ABCA12: variants seen among roughly 807,000 people sequenced by gnomAD.
The protein encoded by ABCA12 is ATP binding cassette subfamily A member 12.
Under a neutral mutation model 293.5 loss-of-function variants are expected in ABCA12, and 156 were observed. The ratio of observed to expected loss-of-function variants is 0.53; its 90% CI spans 0.47 to 0.61. ABCA12 has a LOEUF of 0.61. ABCA12 is among the 20% of genes least tolerant of loss of function. The pLI, the probability that ABCA12 is intolerant of heterozygous loss-of-function variation, is 0.00. For missense variants in ABCA12, 2,797 were observed against 3,090.2 expected (o/e 0.91, Z 2.25); for synonymous variants, 1,063 against 1,108.0 (o/e 0.96, Z 0.81).
chr2:214,968,537 T>C (rs1289751546), intron 38 of ABCA12, among the ~76,000 whole-genome samples, 183 bp downstream of exon 38: 1 of 152,148 alleles, frequency 6.6e-6, no homozygotes, highest in African/African-American at 2.4e-5. Flanking sequence ...ACGTGTGTCC[T>C]GATGCTAATG....
intron 2 of ABCA12, among the ~76,000 whole-genome samples, chr2:215,109,982 C>A (rs1483700895): frequency 6.6e-6 from 1 of 152,106 alleles, no homozygotes; most frequent in Non-Finnish European, 1.5e-5. Context: ...TATGGTATTC[C>A]TGAAGCCCAT....
At chr2:215,042,115 T>C (rs1043049137) in intron 7 of ABCA12, 1 of 152,232 alleles carries the variant, frequency 6.6e-6, no homozygotes, top group Admixed American at 6.5e-5. Flanking sequence ...GCATTGTACC[T>C]ATAGCTTACA....
intron 2 of ABCA12, 112 bp downstream of exon 2, chr2:215,111,485 G>T: frequency 2.7e-6 from 2 of 744,478 alleles, no homozygotes; most frequent in Admixed American, 2.4e-5. Flanking sequence ...ATCCTTCCAA[G>T]TGAAAACACT....
At chr2:215,092,830 T>A (rs2106108259) in intron 2 of ABCA12, among the ~76,000 whole-genome samples, 1 of 152,266 alleles carries the variant, frequency 6.6e-6, no homozygotes, top group African/African-American at 2.4e-5. Context: ...CTGTTATGGA[T>A]CTCAAACATG....
rs151325666 is a variant in ABCA12, at chr2:214,981,677, A to G, written c.4579+510T>C. Reference sequence around the variant, plus strand: ...ACTTTTAAAAGATATCATATTCGATAAATATGTACAAGCATGATGTATCTA... The same window carrying G: ...ACTTTTAAAAGATATCATATTCGATGAATATGTACAAGCATGATGTATCTA... On this transcript the variant is annotated intron_variant, in intron 30 of 52. Coordinates refer to ENST00000272895, the MANE Select transcript of ABCA12 (RefSeq NM_173076.3). Among the ~76,000 whole-genome samples the G allele has an allele frequency of 9.5e-3, 1,439 of 152,044 alleles. 25 individuals carry two copies. The highest frequency in any genetic ancestry group is 0.031 in the African/African-American group (1,302 of 41,492).
chr2:214,958,267 A>T lies in ABCA12; in HGVS notation c.6117+10T>A. The T allele has an allele frequency of 1.2e-6, 2 of 1,613,820 alleles. No homozygotes were observed. Among genetic ancestry groups the T allele is most frequent in the Non-Finnish European group, 1.7e-6 (2 of 1,179,694 alleles). ...TTTATTCCCTGCAATGAAGGACATAAGTTACTCACCATGTCATAAATGAAG... is the reference window on the plus strand; with the variant it reads ...TTTATTCCCTGCAATGAAGGACATATGTTACTCACCATGTCATAAATGAAG... On this transcript the variant is annotated intron_variant, in intron 41 of 52. Transcript: ENST00000272895.
intron 2 of ABCA12, among the ~76,000 whole-genome samples, chr2:215,097,449 A>T (rs139582980): frequency 7.2e-5 from 11 of 152,262 alleles, no homozygotes; most frequent in African/African-American, 2.4e-4. Context: ...TTACCTAAAA[A>T]TCCTGCGTTC....
chr2:215,003,123 C>T (rs1161947662), intron 20 of ABCA12, among the ~76,000 whole-genome samples: 1 of 152,080 alleles, frequency 6.6e-6, no homozygotes, highest in Non-Finnish European at 1.5e-5. Context: ...TGGTTTAGAA[C>T]CTAAATCATT....
chr2:215,127,769 C>G (rs1702958908), intron 1 of ABCA12, among the ~76,000 whole-genome samples: 1 of 152,134 alleles, frequency 6.6e-6, no homozygotes, highest in Non-Finnish European at 1.5e-5. Flanking sequence ...TTAAGTGCAT[C>G]ATTTAGGCCA....
At chr2:215,097,743 A>C (rs750586528) in intron 2 of ABCA12, among the ~76,000 whole-genome samples, 3 of 152,226 alleles carry the variant, frequency 2.0e-5, no homozygotes, top group Non-Finnish European at 4.4e-5. Flanking sequence ...TGGCTACATT[A>C]ATACTATCTA....
At chr2:214,955,413 G>A (rs762962800) in intron 42 of ABCA12, 52 bp from the exon 43 acceptor site, 2 of 1,578,360 alleles carry the variant, frequency 1.3e-6, no homozygotes, top group South Asian at 1.1e-5. Flanking sequence ...CAGGCATGGT[G>A]GCTCACACCT....
intron 7 of ABCA12, among the ~76,000 whole-genome samples, chr2:215,040,518 C>T (rs972900634): frequency 6.6e-6 from 1 of 151,996 alleles, no homozygotes; most frequent in Non-Finnish European, 1.5e-5. Context: ...GGTGAGAATA[C>T]AAAATGTTGG....
chr2:215,130,573 A>AT (rs2105916809), intron 1 of ABCA12, among the ~76,000 whole-genome samples: 1 of 152,174 alleles, frequency 6.6e-6, no homozygotes, highest in East Asian at 1.9e-4. Flanking sequence ...GAGTATGTTG[A>AT]TTTTGTATCC....
intron 38 of ABCA12, 55 bp downstream of exon 38, chr2:214,968,663 CAT>C (rs960321454): frequency 2.0e-5 from 31 of 1,512,332 alleles, no homozygotes; most frequent in East Asian, 2.0e-4. Flanking sequence ...AATGATTAAA[CAT>C]ATCAATTTCA....
intron 2 of ABCA12, among the ~76,000 whole-genome samples, chr2:215,090,477 C>A (rs917834623): frequency 1.8e-4 from 28 of 152,280 alleles, no homozygotes; most frequent in Middle Eastern, 3.4e-3. Context: ...TCTTCTCTAA[C>A]CTCTCTTGCT....
intron 37 of ABCA12, 116 bp from the exon 38 acceptor site, chr2:214,968,923 T>G (rs1699326938): frequency 1.3e-6 from 1 of 796,560 alleles, no homozygotes; most frequent in Admixed American, 2.2e-5. Flanking sequence ...ACATTTACAG[T>G]ATAAAATGAA....
At chr2:215,068,024 A>G (rs1456354921) in intron 2 of ABCA12, among the ~76,000 whole-genome samples, 1 of 152,190 alleles carries the variant, frequency 6.6e-6, no homozygotes, top group East Asian at 1.9e-4. Context: ...AGGGAGATCA[A>G]TTTTGATTTT....
rs182634509 is a variant in ABCA12 at position 215,023,898 on chromosome 2, A to G, written c.1287+1775T>C. ...AAAATGCAAATTTCACCTTCTTCAA[A>G]TTTACAACTTTCATGATCAAATTCA... is the stretch of plus-strand genomic sequence containing the variant. On this transcript the variant is annotated intron_variant, in intron 11 of 52. Transcript: ENST00000272895. 1.5e-3 allele frequency among the ~76,000 whole-genome samples: 223 copies of G among 152,324 alleles called. 1 individual carries two copies. The highest frequency in any genetic ancestry group is 4.7e-4 in the Non-Finnish European group (32 of 68,034).
intron 46 of ABCA12, 41 bp downstream of exon 46, chr2:214,948,999 G>T: frequency 6.7e-7 from 1 of 1,482,276 alleles, no homozygotes; most frequent in East Asian, 2.3e-5. Flanking sequence ...TCTCATTTAA[G>T]TATGTTGTAC....
Sources: gnomAD v4.1 joint callset for allele counts (sites outside exome capture counted in the v4.1 genomes callset) on GRCh38, gnomAD v4.1.1 for gene constraint, MANE v1.5 for transcripts, NCBI Gene and HGNC (gene_info 2026-07-23, HGNC 2026-07-21) for gene names.